PRELP: variants seen among roughly 807,000 people sequenced by gnomAD.
The protein encoded by PRELP is prolargin.
PRELP carries 16 observed loss-of-function variants against 22.8 expected under a neutral mutation model. The ratio of observed to expected loss-of-function variants is 0.70; its 90% CI spans 0.47 to 1.06. The LOEUF (loss-of-function observed/expected upper bound fraction) is 1.06. Among genes scored for constraint, PRELP ranks in the 50% least tolerant of loss-of-function variants. The pLI is 0.00. For synonymous variants in PRELP, 233 were observed against 211.4 expected, an observed-to-expected ratio of 1.10 and a Z score of -0.89; for missense variants, 434 against 485.2, an observed-to-expected ratio of 0.89 and a Z score of 0.99.
At chr1:203,484,882 C>T (rs745713318) in intron 2 of PRELP, among the ~76,000 whole-genome samples, 1 of 152,010 alleles carries the variant, frequency 6.6e-6, no homozygotes, top group African/African-American at 2.4e-5. Flanking sequence ...AATTTCAGCT[C>T]GGAGCAGAGC....
At chr1:203,479,429 G>C (rs975866360) in intron 1 of PRELP, among the ~76,000 whole-genome samples, 1 of 152,112 alleles carries the variant, frequency 6.6e-6, no homozygotes, top group South Asian at 2.1e-4. Flanking sequence ...TCCTTGGGGC[G>C]CTGTGGCTCA....
chr1:203,481,998 G>A (rs1314126439), intron 1 of PRELP, among the ~76,000 whole-genome samples: 1 of 152,174 alleles, frequency 6.6e-6, no homozygotes, highest in African/African-American at 2.4e-5. Context: ...TTGGCACAGG[G>A]ATGGGTTGAG....
intron 1 of PRELP, among the ~76,000 whole-genome samples, chr1:203,481,250 A>G (rs1206422060): frequency 6.6e-6 from 1 of 152,038 alleles, no homozygotes; most frequent in Non-Finnish European, 1.5e-5. Context: ...TTTTTTTTAA[A>G]TCAGGGTCAC....
In PRELP at chr1:203,483,266, C is replaced by A; in HGVS notation, c.82C>A (p.Pro28Thr). The change falls in exon 2 of 3, where the codon CCC becomes ACC. Residue 28 changes from proline (P) to threonine (T), a missense_variant. Physicochemically the swap from Pro to Thr is conservative, Grantham distance 38 (BLOSUM62 -1). Coordinates refer to ENST00000343110, the MANE Select transcript of PRELP (RefSeq NM_002725.4). This position sits in a 1 kb window ranked among gnomAD's most constrained non-coding sequence, Gnocchi z 4.4. Reference sequence around the variant, plus strand: ...AGGCCAGCCAACAAGACGACCAAGACCCGGGACTGGGCCCGGGCGCAGACC... The same window carrying A: ...AGGCCAGCCAACAAGACGACCAAGAACCGGGACTGGGCCCGGGCGCAGACC... Reference protein sequence around the residue: ...AQGQPTRRPRPGTGPGRRPRP... With the variant: ...AQGQPTRRPRTGTGPGRRPRP... The A allele has an allele frequency of 6.2e-7, 1 of 1,608,642 alleles. No individual in the cohort carries two copies. Among genetic ancestry groups the A allele is most frequent in the South Asian group, 1.1e-5 (1 of 90,520 alleles).
Position 203,483,595 on chromosome 1 carries a change from A to G in PRELP, c.411A>G (p.Arg137=). ...GATGGATTAACCTGGACAACAACCG[A>G]ATCCGCAAGATAGACCAGAGGGTGC... ...GLRWINLDNN[R]IRKIDQRVLE... is the part of the protein sequence containing the mutation. The change falls in exon 2 of 3, where the codon CGA becomes CGG. Residue 137 remains arginine, a synonymous_variant. Coordinates refer to ENST00000343110, the MANE Select transcript of PRELP (RefSeq NM_002725.4). The surrounding 1 kb of genome is among the most constrained non-coding windows in gnomAD (Gnocchi z 4.4). 1.9e-6 allele frequency: 3 copies of G among 1,614,208 alleles called. No individual in the cohort carries two copies. Among genetic ancestry groups the G allele is most frequent in the Non-Finnish European group, 2.5e-6 (3 of 1,180,044 alleles).
At position 203,484,024 on chromosome 1, in the gene PRELP, CAG is replaced by C. The variant is rs1661055016; in HGVS notation, c.841_842del (p.Arg281GlyfsTer8). ...IRLNYNKLTD[R>X]GLPKNSFNIS... is the part of the protein sequence containing the mutation. ...GGCTTAACTACAACAAGCTGACAGA[CAG>C]GGGACTCCCCAAGAACTCCTTTAAT... On this transcript the variant is annotated frameshift_variant, in exon 2 of 3. Transcript: ENST00000343110. LOFTEE classifies it high-confidence loss of function. 6.2e-7 allele frequency: 1 copy of C among 1,614,262 alleles called. No individual in the cohort carries two copies. The highest frequency in any genetic ancestry group is 2.2e-5 in the East Asian group (1 of 44,892).
Position 203,483,926 on chromosome 1 carries a change from T to C in PRELP, c.742T>C (p.Tyr248His). The C allele has an allele frequency of 6.2e-7, 1 of 1,614,232 alleles. No homozygotes were observed. Among genetic ancestry groups the C allele is most frequent in the Non-Finnish European group, 8.5e-7 (1 of 1,180,040 alleles). ...GGTCCCCACCGCCATTCACCAGCTC[T>C]ACCTGGACAGTAACAAGATTGAGAC... is the stretch of plus-strand genomic sequence containing the variant. The part of the protein sequence containing the change: ...PRVPTAIHQL[Y>H]LDSNKIETIP... Residue 248 changes from tyrosine (Y) to histidine (H), a missense_variant, in exon 2 of 3, where the codon TAC (tyrosine) becomes CAC (histidine). Transcript: ENST00000343110. This position sits in a 1 kb window ranked among gnomAD's most constrained non-coding sequence, Gnocchi z 4.4.
chr1:203,483,912 C>A lies in PRELP; in HGVS notation c.728C>A (p.Ala243Asp). The change falls in exon 2 of 3, where the codon GCC becomes GAC. Residue 243 changes from alanine to aspartate, a missense_variant. By Grantham distance (126) the Ala-to-Asp change is moderately radical. Coordinates refer to ENST00000343110, the MANE Select transcript of PRELP (RefSeq NM_002725.4). This position sits in a 1 kb window ranked among gnomAD's most constrained non-coding sequence, Gnocchi z 4.4. ...AAGATGCCGCCCAGGGTCCCCACCG[C>A]CATTCACCAGCTCTACCTGGACAGT... ...LRKMPPRVPT[A>D]IHQLYLDSNK... The A allele has an allele frequency of 6.2e-7, 1 of 1,614,246 alleles. No homozygotes were observed.
chr1:203,481,499 C>G (rs1327871563), intron 1 of PRELP, among the ~76,000 whole-genome samples: 5 of 152,152 alleles, frequency 3.3e-5, no homozygotes, highest in Admixed American at 3.3e-4. Context: ...AATGTTATAT[C>G]CTTAACGGGA....
intron 1 of PRELP, among the ~76,000 whole-genome samples, chr1:203,479,215 A>ACCCAACCTCATTCCCAG (rs1660958678): frequency 6.6e-6 from 1 of 152,030 alleles, no homozygotes; most frequent in Non-Finnish European, 1.5e-5. Context: ...TGGGAGACAA[A>ACCCAACCTCATTCCCAG]CCCAACCTCA....
At chr1:203,482,973 C>T (rs1233905843) in intron 1 of PRELP, among the ~76,000 whole-genome samples, 196 bp from the exon 2 acceptor site, 2 of 152,048 alleles carry the variant, frequency 1.3e-5, no homozygotes, top group African/African-American at 4.8e-5. Context: ...AGCCAATGGC[C>T]AGGGAATCCA....
At position 203,477,045 on chromosome 1, in the gene PRELP, G is replaced by T. The variant is rs571122332; in HGVS notation, c.-17+1107G>T. On this transcript the variant is annotated intron_variant, in intron 1 of 2. Coordinates refer to ENST00000343110, the MANE Select transcript of PRELP (RefSeq NM_002725.4). The stretch of plus-strand genomic sequence containing the variant: ...TCATTCCTCTCTATTAATAGAGAGG[G>T]TCTGTCCCAAGGCAGGCGGGGTGTA... 5.9e-5 allele frequency among the ~76,000 whole-genome samples: 9 copies of T among 152,118 alleles called. No homozygotes were observed. In the South Asian group the frequency reaches 1.9e-3, roughly 32 times the overall value.
chr1:203,485,032 G>A (rs532888427), intron 2 of PRELP, among the ~76,000 whole-genome samples: 1 of 152,164 alleles, frequency 6.6e-6, no homozygotes, highest in African/African-American at 2.4e-5. Flanking sequence ...TGATATTTGG[G>A]GATCCTTAGG....
Position 203,483,418 on chromosome 1 carries a change from C to G in PRELP, c.234C>G (p.Tyr78Ter). The change falls in exon 2 of 3, where the codon TAC (tyrosine) becomes TAG (stop). Residue 78 changes from tyrosine (Y) to a stop codon, truncating the protein, a stop_gained. Transcript: ENST00000343110. LOFTEE classifies it high-confidence loss of function. The surrounding 1 kb of genome is among the most constrained non-coding windows in gnomAD (Gnocchi z 4.4). Reference protein sequence around the residue: ...SIFPDCPRECYCPPDFPSALY... With the variant: ...SIFPDCPREC ...TCCCTGACTGTCCCCGCGAATGCTA[C>G]TGCCCCCCTGATTTCCCATCTGCCC... 6.2e-7 allele frequency: 1 copy of G among 1,614,202 alleles called. No individual in the cohort carries two copies. The highest frequency in any genetic ancestry group is 8.5e-7 in the Non-Finnish European group (1 of 1,180,016).
chr1:203,484,178 C>T (rs143727815), intron 2 of PRELP, 21 bp downstream of exon 2: 20 of 707,640 alleles, frequency 2.8e-5, no homozygotes, highest in African/African-American at 5.7e-5. Context: ...TGGGCCGGGG[C>T]GGGGCCGAAG....
intron 1 of PRELP, among the ~76,000 whole-genome samples, chr1:203,481,248 A>T (rs1342236547): frequency 4.0e-5 from 6 of 148,522 alleles, no homozygotes; most frequent in Middle Eastern, 3.5e-3. Flanking sequence ...TTTTTTTTTT[A>T]AATCAGGGTC....
chr1:203,484,182 G>GGGGGGGGGGCC, intron 2 of PRELP, 25 bp downstream of exon 2: 2 of 1,585,418 alleles, frequency 1.3e-6, no homozygotes, highest in Non-Finnish European at 1.7e-6. Flanking sequence ...CCGGGGCGGG[G>GGGGGGGGGGCC]CCGAAGGCAA....
At position 203,486,549 on chromosome 1, in the gene PRELP, G is replaced by A. The variant is rs74766594; in HGVS notation, c.974-157G>A. Reference sequence around the variant, plus strand: ...TACAAATGAGTAAACTGAGCCTGGAGGTCAAGGCAGCTCATCTATGATCAC... The same window carrying A: ...TACAAATGAGTAAACTGAGCCTGGAAGTCAAGGCAGCTCATCTATGATCAC... On this transcript the variant is annotated intron_variant, in intron 2 of 2. Coordinates refer to ENST00000343110, the MANE Select transcript of PRELP (RefSeq NM_002725.4). Among the ~76,000 whole-genome samples, 603 of 152,280 alleles carry A rather than the reference G, an allele frequency of 4.0e-3. 6 individuals carry two copies. Among genetic ancestry groups the A allele is most frequent in the African/African-American group, 0.014 (571 of 41,552 alleles).
At position 203,485,149 on chromosome 1, in the gene PRELP, A is replaced by AT. The variant is rs553537738; in HGVS notation, c.973+1002dup. ...GGATAATTTCAAGAAGTAGGGGAGG[A>AT]TTTTTTTTTTAATCTTACAAAAAAA... On this transcript the variant is annotated intron_variant, in intron 2 of 2. Transcript: ENST00000343110. 7.1e-3 allele frequency among the ~76,000 whole-genome samples: 1,040 copies of AT among 146,426 alleles called. 10 individuals are homozygous for AT. Among genetic ancestry groups the AT allele is most frequent in the South Asian group, 0.024 (110 of 4,544 alleles).
Sources: gnomAD v4.1 joint callset for allele counts (sites outside exome capture counted in the v4.1 genomes callset) on GRCh38, gnomAD v4.1.1 for gene constraint, Gnocchi (gnomAD v3.1) non-coding constraint, MANE v1.5 for transcripts, NCBI Gene and HGNC (gene_info 2026-07-23, HGNC 2026-07-21) for gene names.